Variants in RAMP1 observed in about 807,000 individuals in gnomAD.
The protein encoded by RAMP1 is receptor activity-modifying protein 1.
Under a neutral mutation model 8.2 loss-of-function variants are expected in RAMP1, and 7 were observed. The observed-to-expected ratio is 0.85, with a 90% CI of 0.49 to 1.60. The LOEUF (loss-of-function observed/expected upper bound fraction) is 1.60, where lower values mean the gene tolerates loss of function less well. Among genes scored for constraint, RAMP1 ranks in the 40% most tolerant of loss-of-function variants. The pLI is 0.00. For missense variants in RAMP1, 192 were observed against 202.4 expected (o/e 0.95, Z 0.31); for synonymous variants, 92 against 84.7 (o/e 1.09, Z -0.47).
chr2:237,880,583 C>G (rs892263936), intron 2 of RAMP1, among the ~76,000 whole-genome samples: 1 of 152,166 alleles, frequency 6.6e-6, no homozygotes, highest in Non-Finnish European at 1.5e-5. Flanking sequence ...GGGTGAATCC[C>G]TATTTAAGCC....
intron 2 of RAMP1, among the ~76,000 whole-genome samples, chr2:237,895,270 A>C (rs925533084): frequency 2.6e-5 from 4 of 152,140 alleles, no homozygotes; most frequent in Non-Finnish European, 5.9e-5. Flanking sequence ...CTGCTGTGCA[A>C]AGGGGTCCTG....
intron 1 of RAMP1, among the ~76,000 whole-genome samples, chr2:237,861,544 G>A (rs949515288): frequency 2.0e-5 from 3 of 152,122 alleles, no homozygotes; most frequent in Non-Finnish European, 4.4e-5. Context: ...GTCTTAGGTA[G>A]TTATTAAGAA....
At chr2:237,908,334 C>A (rs764935078) in intron 2 of RAMP1, among the ~76,000 whole-genome samples, 1 of 151,714 alleles carries the variant, frequency 6.6e-6, no homozygotes, top group East Asian at 2.0e-4. Context: ...AGCATTCCTA[C>A]CCCTCTTCCC....
intron 2 of RAMP1, among the ~76,000 whole-genome samples, chr2:237,880,652 C>T (rs1248963807): frequency 1.3e-5 from 2 of 152,194 alleles, no homozygotes; most frequent in African/African-American, 2.4e-5. Context: ...CTTGCCCAAT[C>T]CCAGGGCCCA....
In RAMP1 at chr2:237,888,804, C is replaced by T. The variant is rs187064253; in HGVS notation, c.191+11442C>T. Among the ~76,000 whole-genome samples the T allele has an allele frequency of 1.3e-3, 193 of 152,252 alleles. 1 individual carries two copies. Among genetic ancestry groups the T allele is most frequent in the African/African-American group, 4.4e-3 (181 of 41,542 alleles). On this transcript the variant is annotated intron_variant, in intron 2 of 2. Coordinates refer to ENST00000254661, the MANE Select transcript of RAMP1 (RefSeq NM_005855.4). ...TTGTTTGTTTTGAGACGGAGTCTCC[C>T]TCTCTTGCCCAGGCTGGAGTGCAGC...
chr2:237,865,538 G>A lies in RAMP1; in HGVS notation c.52+5811G>A, dbSNP rs1370275404. 6.6e-6 allele frequency among the ~76,000 whole-genome samples: 1 copy of A among 152,142 alleles called. No homozygotes were observed. Among genetic ancestry groups the A allele is most frequent in the Non-Finnish European group, 1.5e-5 (1 of 68,018 alleles). On this transcript the variant is annotated intron_variant, in intron 1 of 2. Transcript: ENST00000254661. This position sits in a 1 kb window ranked among gnomAD's most constrained non-coding sequence, Gnocchi z 4.2. ...AGATGCAGATTTCGCAGGGCCTCCT[G>A]TCATTTGCTGCACCTGGCAGCCCCG...
chr2:237,881,572 C>G (rs1225217812), intron 2 of RAMP1, among the ~76,000 whole-genome samples: 1 of 152,248 alleles, frequency 6.6e-6, no homozygotes, highest in African/African-American at 2.4e-5. Context: ...CCCAGACCCA[C>G]CAACAGACTG....
rs1576531831 is a variant in RAMP1 at position 237,865,319 on chromosome 2, A to G, written c.52+5592A>G. 1.3e-5 allele frequency among the ~76,000 whole-genome samples: 1 copy of G among 78,870 alleles called. No individual in the cohort carries two copies. The highest frequency in any genetic ancestry group is 5.2e-5 in the African/African-American group (1 of 19,304). 51.7% of individuals were successfully genotyped at this position (78,870 alleles called of 152,430 possible). The stretch of plus-strand genomic sequence containing the variant: ...AGAGGAGAGGAGGGGAGGGCAGGGG[A>G]GAAGAGAGGAGGGGAGGGGAGGGCA... On this transcript the variant is annotated intron_variant, in intron 1 of 2. Coordinates refer to ENST00000254661, the MANE Select transcript of RAMP1 (RefSeq NM_005855.4). The surrounding 1 kb of genome is among the most constrained non-coding windows in gnomAD (Gnocchi z 4.2).
At chr2:237,883,677 A>G (rs1230681137) in intron 2 of RAMP1, among the ~76,000 whole-genome samples, 1 of 151,958 alleles carries the variant, frequency 6.6e-6, no homozygotes, top group Non-Finnish European at 1.5e-5. Context: ...TTAGCTGTAC[A>G]TGGTGTTGGA....
At chr2:237,881,571 A>T (rs2062368664) in intron 2 of RAMP1, among the ~76,000 whole-genome samples, 1 of 152,238 alleles carries the variant, frequency 6.6e-6, no homozygotes, top group Non-Finnish European at 1.5e-5. Flanking sequence ...CCCCAGACCC[A>T]CCAACAGACT....
At chr2:237,897,732 C>T (rs1000471340) in intron 2 of RAMP1, among the ~76,000 whole-genome samples, 1 of 149,624 alleles carries the variant, frequency 6.7e-6, no homozygotes, top group Non-Finnish European at 1.5e-5. Flanking sequence ...AACACATGCT[C>T]TCGTGGATGC....
chr2:237,902,556 T>C (rs2062612892), intron 2 of RAMP1, among the ~76,000 whole-genome samples: 1 of 150,958 alleles, frequency 6.6e-6, no homozygotes, highest in Non-Finnish European at 1.5e-5. Flanking sequence ...ACAGAGCCCC[T>C]TCCTGCCTCA....
chr2:237,862,282 A>G lies in RAMP1; in HGVS notation c.52+2555A>G, dbSNP rs943912391. On this transcript the variant is annotated intron_variant, in intron 1 of 2. Transcript: ENST00000254661. The surrounding 1 kb of genome is among the most constrained non-coding windows in gnomAD (Gnocchi z 4.0). ...GACACAGTTCTCATGCCAAAGTCCAAATCTGAAGGATTCTTATTTGTTAAT... is the reference window on the plus strand; with the variant it reads ...GACACAGTTCTCATGCCAAAGTCCAGATCTGAAGGATTCTTATTTGTTAAT... Among the ~76,000 whole-genome samples the G allele has an allele frequency of 1.3e-5, 2 of 152,302 alleles. No homozygotes were observed. Among genetic ancestry groups the G allele is most frequent in the African/African-American group, 2.4e-5 (1 of 41,570 alleles).
intron 1 of RAMP1, 86 bp downstream of exon 1, chr2:237,859,813 C>T: frequency 7.0e-6 from 2 of 286,750 alleles, no homozygotes; most frequent in Non-Finnish European, 1.4e-5. Context: ...CGGGTGGGAG[C>T]GGGTGGGAGC....
At chr2:237,897,373 C>T (rs567957433) in intron 2 of RAMP1, among the ~76,000 whole-genome samples, 8 of 152,334 alleles carry the variant, frequency 5.3e-5, no homozygotes, top group African/African-American at 1.2e-4. Context: ...CCATTTTCTC[C>T]GGCTTCATCA....
intron 2 of RAMP1, among the ~76,000 whole-genome samples, chr2:237,883,228 G>T (rs1471398301): frequency 1.3e-5 from 2 of 152,184 alleles, no homozygotes; most frequent in Admixed American, 6.5e-5. Flanking sequence ...GGGCCTGCAG[G>T]TATCTTGGTA....
Position 237,911,767 on chromosome 2 carries a change from C to G in RAMP1, c.431C>G (p.Thr144Ser), listed in dbSNP as rs373702983. Residue 144 changes from threonine to serine, a missense_variant, in exon 3 of 3, where the codon ACT becomes AGT. Thr to Ser is a moderately conservative substitution (Grantham distance 58). Coordinates refer to ENST00000254661, the MANE Select transcript of RAMP1 (RefSeq NM_005855.4). ...CTGGTGGTCTGGCAGAGCAAGCGCACTGAGGGCATTGTGTAGGCGGGGCCC... is the reference window on the plus strand; with the variant it reads ...CTGGTGGTCTGGCAGAGCAAGCGCAGTGAGGGCATTGTGTAGGCGGGGCCC... Reference protein sequence around the residue: ...TALVVWQSKRTEGIV With the variant: ...TALVVWQSKRSEGIV The G allele has an allele frequency of 8.7e-6, 14 of 1,609,796 alleles. No homozygotes were observed. In the African/African-American group the frequency reaches 1.7e-4, roughly 20 times the overall value.
upstream of RAMP1, chr2:237,859,555 C>A: frequency 1.6e-6 from 1 of 611,200 alleles, no homozygotes; most frequent in Non-Finnish European, 2.1e-6. Flanking sequence ...CGGCCGCCGC[C>A]TCCCACCGCT....
At chr2:237,888,339 C>A (rs939969002) in intron 2 of RAMP1, among the ~76,000 whole-genome samples, 29 of 152,292 alleles carry the variant, frequency 1.9e-4, no homozygotes, top group African/African-American at 7.0e-4. Flanking sequence ...GCGTGAGCCA[C>A]CACGCCCGGC....
Sources: allele counts gnomAD v4.1 joint callset (sites outside exome capture counted in the v4.1 genomes callset), GRCh38; gene constraint gnomAD v4.1.1; non-coding constraint Gnocchi (gnomAD v3.1); transcripts MANE v1.5; gene names NCBI Gene and HGNC (gene_info 2026-07-23, HGNC 2026-07-21).